The following FAR2 variants were observed in gnomAD, a reference collection of about 807,000 sequenced individuals.
The protein encoded by FAR2 is fatty acyl-CoA reductase 2, also known as epididymis secretory protein Li 81.
FAR2 carries 19 observed loss-of-function variants against 56.0 expected under a neutral mutation model. The ratio of observed to expected loss-of-function variants is 0.34; its 90% CI spans 0.24 to 0.50. The LOEUF is 0.50. FAR2 is among the 20% of genes least tolerant of loss of function. The pLI is 0.98. For missense variants in FAR2, 508 were observed against 642.2 expected, an observed-to-expected ratio of 0.79 and a Z score of 2.26; for synonymous variants, 219 against 218.8, an observed-to-expected ratio of 1.00 and a Z score of -0.01.
chr12:29,308,307 T>A (rs1259660181), intron 5 of FAR2, among the ~76,000 whole-genome samples: 2 of 152,186 alleles, frequency 1.3e-5, no homozygotes, highest in African/African-American at 4.8e-5. Context: ...TTATACCATC[T>A]TCTTGAAAGC....
At chr12:29,320,712 A>G (rs1344899937) in intron 9 of FAR2, among the ~76,000 whole-genome samples, 1 of 152,256 alleles carries the variant, frequency 6.6e-6, no homozygotes, top group Non-Finnish European at 1.5e-5. Flanking sequence ...AAATGGAGAT[A>G]CATAATATAC....
chr12:29,179,634 C>A lies in FAR2; in HGVS notation c.-39+30227C>A, dbSNP rs571383474. Among the ~76,000 whole-genome samples, 126 of 152,316 alleles carry A rather than the reference C, an allele frequency of 8.3e-4. 1 individual carries two copies. Among genetic ancestry groups the A allele is most frequent in the African/African-American group, 2.9e-3 (119 of 41,568 alleles). On this transcript the variant is annotated intron_variant, in intron 1 of 11. Transcript: ENST00000536681. ...ACCTACCTACTCCGACCTTGTCAGG[C>A]AGTCCATGGCCATTCTATCTTGTAT...
intron 1 of FAR2, among the ~76,000 whole-genome samples, chr12:29,231,765 A>T (rs7298376): frequency 0.31 from 47,523 of 151,956 alleles, 7,701 homozygotes; most frequent in Non-Finnish European, 0.37. Flanking sequence ...ATTTATTTGT[A>T]TGCTTCATTC....
intron 4 of FAR2, among the ~76,000 whole-genome samples, chr12:29,299,480 T>C (rs6487802): frequency 0.54 from 82,637 of 151,928 alleles, 22,949 homozygotes; most frequent in East Asian, 0.65. Context: ...GAACAAACTG[T>C]AACTGACATT....
intron 1 of FAR2, among the ~76,000 whole-genome samples, chr12:29,246,218 G>A (rs1948125696): frequency 6.6e-6 from 1 of 151,712 alleles, no homozygotes; most frequent in Non-Finnish European, 1.5e-5. Flanking sequence ...TCTATTATCT[G>A]TGCATGCATT....
intron 8 of FAR2, among the ~76,000 whole-genome samples, chr12:29,314,194 C>G (rs1373990727): frequency 6.6e-6 from 1 of 152,170 alleles, no homozygotes; most frequent in Non-Finnish European, 1.5e-5. Context: ...AAGACAGTAG[C>G]TTAATGGTTA....
chr12:29,177,838 A>AC (rs1035817579), intron 1 of FAR2, among the ~76,000 whole-genome samples: 3 of 151,372 alleles, frequency 2.0e-5, no homozygotes, highest in Admixed American at 6.6e-5. Flanking sequence ...TAAGCACAAA[A>AC]AAAACAAACA....
intron 1 of FAR2, among the ~76,000 whole-genome samples, chr12:29,221,437 T>C (rs1378548288): frequency 6.6e-6 from 1 of 152,060 alleles, no homozygotes; most frequent in African/African-American, 2.4e-5. Flanking sequence ...CCAGTTAGGG[T>C]TTCTGCAATC....
At chr12:29,207,048 TGA>T (rs1173111969) in intron 1 of FAR2, among the ~76,000 whole-genome samples, 1 of 151,888 alleles carries the variant, frequency 6.6e-6, no homozygotes, top group African/African-American at 2.4e-5. Flanking sequence ...AAAGTTGGTG[TGA>T]GAGAAAAAAA....
At chr12:29,321,989 T>C (rs746444533) in intron 10 of FAR2, 65 bp downstream of exon 10, 9 of 1,532,182 alleles carry the variant, frequency 5.9e-6, no homozygotes, top group Admixed American at 2.0e-5. Flanking sequence ...AATTATTTGA[T>C]TTGGAAAGCT....
At chr12:29,209,438 C>A (rs1947517340) in intron 1 of FAR2, among the ~76,000 whole-genome samples, 2 of 152,302 alleles carry the variant, frequency 1.3e-5, no homozygotes, top group South Asian at 2.1e-4. Context: ...AAAGTGGTGT[C>A]TTCCTTTAGG....
intron 1 of FAR2, among the ~76,000 whole-genome samples, chr12:29,259,686 C>A (rs985142329): frequency 1.3e-5 from 2 of 152,320 alleles, no homozygotes; most frequent in South Asian, 4.1e-4. Flanking sequence ...GTGATCTTTA[C>A]ACCAGAAGAG....
At chr12:29,167,831 G>A (rs189969689) in intron 1 of FAR2, among the ~76,000 whole-genome samples, 9 of 152,172 alleles carry the variant, frequency 5.9e-5, no homozygotes, top group East Asian at 1.9e-4. Flanking sequence ...AATATATGAC[G>A]GTAAATTGCA....
intron 1 of FAR2, among the ~76,000 whole-genome samples, chr12:29,158,901 T>C (rs570362993): frequency 6.6e-6 from 1 of 152,376 alleles, no homozygotes; most frequent in South Asian, 2.1e-4. Flanking sequence ...TCAAGGCTAG[T>C]ATCCACATCT....
intron 1 of FAR2, among the ~76,000 whole-genome samples, chr12:29,205,649 A>G (rs1237847077): frequency 5.3e-5 from 8 of 152,200 alleles, no homozygotes; most frequent in African/African-American, 1.9e-4. Context: ...TCTGGATGAA[A>G]TAATAGTACT....
intron 9 of FAR2, 137 bp downstream of exon 9, chr12:29,317,149 A>T: frequency 1.2e-6 from 1 of 869,068 alleles, no homozygotes; most frequent in Admixed American, 3.2e-5. Flanking sequence ...AACACACCTA[A>T]TCTGAAAATC....
At chr12:29,253,427 A>ATAGG (rs1338965781) in intron 1 of FAR2, among the ~76,000 whole-genome samples, 1 of 151,126 alleles carries the variant, frequency 6.6e-6, no homozygotes, top group Non-Finnish European at 1.5e-5. Context: ...AGATAGATAG[A>ATAGG]TATGTATGTA....
chr12:29,172,437 C>G (rs187098279), intron 1 of FAR2, among the ~76,000 whole-genome samples: 1 of 152,202 alleles, frequency 6.6e-6, no homozygotes. Flanking sequence ...AAGCCCTACC[C>G]GGTGATTGGC....
At chr12:29,174,555 G>T (rs1490464990) in intron 1 of FAR2, among the ~76,000 whole-genome samples, 3 of 145,846 alleles carry the variant, frequency 2.1e-5, no homozygotes, top group Non-Finnish European at 4.5e-5. Flanking sequence ...CAAGTAGCTG[G>T]CACTACAGGG....
Sources: allele counts gnomAD v4.1 joint callset (sites outside exome capture counted in the v4.1 genomes callset), GRCh38; gene constraint gnomAD v4.1.1; transcripts MANE v1.5; gene names NCBI Gene and HGNC (gene_info 2026-07-23, HGNC 2026-07-21).